Variants in WLS observed in about 807,000 individuals in gnomAD.
WLS encodes Wnt ligand secretion mediator.
A neutral mutation model predicts 62.8 loss-of-function variants in WLS; 23 were observed. The ratio of observed to expected loss-of-function variants is 0.37; its 90% CI spans 0.26 to 0.52. The LOEUF (loss-of-function observed/expected upper bound fraction) is 0.52, where lower values mean the gene tolerates loss of function less well. WLS is among the 20% of genes least tolerant of loss of function. The probability of loss-of-function intolerance (pLI) is 0.92; values close to 1 mark genes in which losing one functional copy is unlikely to be tolerated. For missense variants in WLS, 615 were observed against 697.3 expected, an observed-to-expected ratio of 0.88 and a Z score of 1.33; for synonymous variants, 246 against 244.1, an observed-to-expected ratio of 1.01 and a Z score of -0.07.
chr1:68,171,881 C>A (rs1389648996), intron 2 of WLS, among the ~76,000 whole-genome samples: 10 of 152,166 alleles, frequency 6.6e-5, no homozygotes, highest in Non-Finnish European at 1.2e-4. Flanking sequence ...TATTGTGGCA[C>A]TATTCACAAT....
At chr1:68,125,216 A>C, downstream of WLS, 1 of 778,256 alleles carries the variant, frequency 1.3e-6, no homozygotes, top group Non-Finnish European at 1.6e-6. Flanking sequence ...CAGGACAGAA[A>C]ATGTCACTCT....
intron 1 of WLS, among the ~76,000 whole-genome samples, chr1:68,195,280 T>G (rs1648602651): frequency 6.6e-6 from 1 of 152,222 alleles, no homozygotes; most frequent in African/African-American, 2.4e-5. Context: ...CATTTTTAGT[T>G]GTGTCACCAC....
At chr1:68,219,200 CCA>C (rs1332822481) in intron 1 of WLS, among the ~76,000 whole-genome samples, 1 of 152,182 alleles carries the variant, frequency 6.6e-6, no homozygotes, top group Admixed American at 6.5e-5. Context: ...AGACAACCAG[CCA>C]CAGTCAATTA....
chr1:68,214,495 G>C lies in WLS; in HGVS notation c.106+17699C>G, dbSNP rs550459199. ...TTCTCCTGCCTCAGCCTCCCAAGTA[G>C]CTGGGACTACAGGCAGGTGAAACCA... On this transcript the variant is annotated intron_variant, in intron 1 of 11. Coordinates refer to ENST00000262348, the MANE Select transcript of WLS (RefSeq NM_024911.7). Among the ~76,000 whole-genome samples the C allele has an allele frequency of 6.6e-5, 10 of 152,098 alleles. No individual in the cohort carries two copies. In the South Asian group the frequency reaches 1.9e-3, roughly 28 times the overall value.
intron 11 of WLS, among the ~76,000 whole-genome samples, chr1:68,127,903 G>A (rs1378817203): frequency 6.6e-6 from 1 of 152,104 alleles, no homozygotes; most frequent in African/African-American, 2.4e-5. Flanking sequence ...CTGCTTGGCT[G>A]GTTCCCTTCA....
At chr1:68,209,145 G>T (rs55873222) in intron 1 of WLS, among the ~76,000 whole-genome samples, 14,947 of 152,196 alleles carry the variant, frequency 0.098, 1,130 homozygotes, top group East Asian at 0.27. Context: ...GCAAGTTCAG[G>T]GGGGGTGTGG....
At chr1:68,178,705 C>CAAAAAAAAAAAAAAA (rs376126398) in intron 2 of WLS, among the ~76,000 whole-genome samples, 2 of 108,232 alleles carry the variant, frequency 1.8e-5, no homozygotes, top group Non-Finnish European at 2.0e-5. Context: ...GACTACATTT[C>CAAAAAAAAAAAAAAA]AAAAAAAAAA....
intron 2 of WLS, among the ~76,000 whole-genome samples, chr1:68,185,533 G>A (rs1206778028): frequency 6.6e-6 from 1 of 152,096 alleles, no homozygotes; most frequent in Non-Finnish European, 1.5e-5. Context: ...CAGATCAGCT[G>A]GCATTATATT....
At chr1:68,105,637 A>T (rs1646133515) in intron 11 of WLS, among the ~76,000 whole-genome samples, 1 of 152,244 alleles carries the variant, frequency 6.6e-6, no homozygotes, top group South Asian at 2.1e-4. Context: ...ACTCTGCTCA[A>T]GGTTTACTAA....
chr1:68,128,789 C>T (rs1477237853), intron 11 of WLS, among the ~76,000 whole-genome samples: 1 of 152,150 alleles, frequency 6.6e-6, no homozygotes, highest in East Asian at 1.9e-4. Context: ...CATAGCAGTC[C>T]TCAGAGGCAC....
At chr1:68,135,464 C>T (rs886231922) in intron 11 of WLS, among the ~76,000 whole-genome samples, 1 of 151,968 alleles carries the variant, frequency 6.6e-6, no homozygotes, top group Non-Finnish European at 1.5e-5. Flanking sequence ...CACAGAAATT[C>T]GTAGTTCAAA....
intron 5 of WLS, among the ~76,000 whole-genome samples, chr1:68,152,362 T>C (rs1023343090): frequency 1.3e-5 from 2 of 152,056 alleles, no homozygotes; most frequent in African/African-American, 4.8e-5. Flanking sequence ...GCACAGCTAA[T>C]AAAGAGAAGA....
rs369758715 is a variant in WLS, at chr1:68,150,179, G to A, written c.972+9C>T. On this transcript the variant is annotated intron_variant, in intron 6 of 11. Coordinates refer to ENST00000262348, the MANE Select transcript of WLS (RefSeq NM_024911.7). Reference sequence around the variant, plus strand: ...GGTACAGACGTCTGTCCCTCCCGGCGGCTCTTACCATCATGTGCTCGCCAC... The same window carrying A: ...GGTACAGACGTCTGTCCCTCCCGGCAGCTCTTACCATCATGTGCTCGCCAC... 8.8e-5 allele frequency: 142 copies of A among 1,613,506 alleles called. No homozygotes were observed. The highest frequency in any genetic ancestry group is 8.4e-4 in the African/African-American group (63 of 75,036).
At chr1:68,212,952 C>G (rs1649574909) in intron 1 of WLS, among the ~76,000 whole-genome samples, 2 of 152,126 alleles carry the variant, frequency 1.3e-5, no homozygotes, top group Admixed American at 1.3e-4. Flanking sequence ...CAGAATTTAG[C>G]TAAGCGCTAA....
At chr1:68,189,447 C>A (rs367847918) in intron 2 of WLS, among the ~76,000 whole-genome samples, 3 of 152,108 alleles carry the variant, frequency 2.0e-5, no homozygotes, top group Non-Finnish European at 4.4e-5. Context: ...TCTTTTACTG[C>A]ACCTAATTTA....
chr1:68,227,316 C>T (rs1332839041), intron 1 of WLS, among the ~76,000 whole-genome samples: 1 of 149,942 alleles, frequency 6.7e-6, no homozygotes, highest in East Asian at 2.0e-4. Flanking sequence ...TATCGGGAGG[C>T]TGAGGCAGGA....
At chr1:68,222,097 A>G (rs1235546051) in intron 1 of WLS, among the ~76,000 whole-genome samples, 1 of 152,234 alleles carries the variant, frequency 6.6e-6, no homozygotes, top group African/African-American at 2.4e-5. Context: ...ATCCTCCGAA[A>G]GCACAAGAAT....
chr1:68,228,388 G>T (rs1278737637), intron 1 of WLS: 2 of 289,600 alleles, frequency 6.9e-6, no homozygotes, highest in Non-Finnish European at 1.4e-5. Flanking sequence ...TTGAAGCTGA[G>T]CAAATTGCAC....
At chr1:68,149,955 G>A (rs1050353218) in intron 6 of WLS, among the ~76,000 whole-genome samples, 1 of 152,204 alleles carries the variant, frequency 6.6e-6, no homozygotes, top group Non-Finnish European at 1.5e-5. Flanking sequence ...TTTTATAGAT[G>A]AGGGACCCGA....
Sources: allele counts gnomAD v4.1 joint callset (sites outside exome capture counted in the v4.1 genomes callset), GRCh38; gene constraint gnomAD v4.1.1; transcripts MANE v1.5; gene names NCBI Gene and HGNC (gene_info 2026-07-23, HGNC 2026-07-21).